Variants in MSRA observed in about 807,000 individuals in gnomAD.
MSRA encodes methionine sulfoxide reductase A, also known as mitochondrial peptide methionine sulfoxide reductase.
Under a neutral mutation model 31.3 loss-of-function variants are expected in MSRA, and 54 were observed. That is an observed-to-expected ratio of 1.73 (90% CI 1.39 to 2.17). The LOEUF (loss-of-function observed/expected upper bound fraction) is 2.17, where lower values mean the gene tolerates loss of function less well. MSRA is among the 30% of genes most tolerant of loss of function. The pLI is 0.00. For synonymous variants in MSRA, 169 were observed against 116.5 expected, an observed-to-expected ratio of 1.45 and a Z score of -2.90; for missense variants, 507 against 300.9, an observed-to-expected ratio of 1.69 and a Z score of -5.07.
chr8:10,352,161 G>A (rs966412504), intron 5 of MSRA, among the ~76,000 whole-genome samples: 1 of 152,188 alleles, frequency 6.6e-6, no homozygotes, highest in Non-Finnish European at 1.5e-5. Context: ...AGGGGAACAC[G>A]TCGTGAACAG....
intron 5 of MSRA, among the ~76,000 whole-genome samples, chr8:10,338,833 A>C (rs774141474): frequency 6.6e-6 from 1 of 152,096 alleles, no homozygotes. Context: ...TGAGCTAGCA[A>C]CCCTTGCCCT....
intron 5 of MSRA, among the ~76,000 whole-genome samples, chr8:10,326,157 T>A (rs1802351203): frequency 6.6e-6 from 1 of 152,178 alleles, no homozygotes; most frequent in Non-Finnish European, 1.5e-5. Flanking sequence ...AATTTAATAG[T>A]CTTCTTCACT....
chr8:10,183,808 G>GTGC (rs752435520), intron 1 of MSRA, among the ~76,000 whole-genome samples: 5,049 of 100,040 alleles, frequency 0.05, 146 homozygotes, highest in African/African-American at 0.1. Flanking sequence ...GGTGGTGGTG[G>GTGC]TGCTGCTGCT....
At chr8:10,086,178 A>G (rs1474587263) in intron 1 of MSRA, among the ~76,000 whole-genome samples, 1 of 152,238 alleles carries the variant, frequency 6.6e-6, no homozygotes, top group African/African-American at 2.4e-5. Flanking sequence ...TCATTTCTGT[A>G]CATACTTGCC....
chr8:10,114,654 G>A (rs1800550064), intron 1 of MSRA, among the ~76,000 whole-genome samples: 1 of 152,222 alleles, frequency 6.6e-6, no homozygotes, highest in African/African-American at 2.4e-5. Flanking sequence ...TTACGTAGCT[G>A]AGGATGGTGG....
At chr8:10,232,178 C>T (rs1224917408) in intron 2 of MSRA, among the ~76,000 whole-genome samples, 1 of 152,084 alleles carries the variant, frequency 6.6e-6, no homozygotes, top group Non-Finnish European at 1.5e-5. Context: ...GGGGAAAGAG[C>T]TGGAAGAGAG....
intron 5 of MSRA, among the ~76,000 whole-genome samples, chr8:10,418,150 A>G (rs117551412): frequency 1.3e-5 from 2 of 152,344 alleles, no homozygotes; most frequent in African/African-American, 2.4e-5. Context: ...ATACACATAT[A>G]CGTTTTACAA....
intron 1 of MSRA, among the ~76,000 whole-genome samples, chr8:10,099,844 G>C (rs1425400717): frequency 6.6e-6 from 1 of 152,166 alleles, no homozygotes; most frequent in East Asian, 1.9e-4. Flanking sequence ...CCAGCCCTCT[G>C]TTGTCTTGCA....
At chr8:10,123,108 A>G (rs1585199334) in intron 1 of MSRA, among the ~76,000 whole-genome samples, 1 of 152,220 alleles carries the variant, frequency 6.6e-6, no homozygotes, top group Non-Finnish European at 1.5e-5. Context: ...GAATTGCCAC[A>G]CTGCTTTCCG....
chr8:10,322,712 C>T (rs1802115359), intron 5 of MSRA, among the ~76,000 whole-genome samples: 1 of 152,044 alleles, frequency 6.6e-6, no homozygotes, highest in Admixed American at 6.6e-5. Flanking sequence ...AAACAGGAAC[C>T]CTTATTATTA....
chr8:10,066,169 G>A (rs1321851548), intron 1 of MSRA, among the ~76,000 whole-genome samples: 8 of 151,914 alleles, frequency 5.3e-5, no homozygotes, highest in East Asian at 3.9e-4. Context: ...GATTACAGGC[G>A]CCCAGCAGGG....
At chr8:10,110,369 C>A (rs184264815) in intron 1 of MSRA, among the ~76,000 whole-genome samples, 11 of 152,212 alleles carry the variant, frequency 7.2e-5, no homozygotes, top group African/African-American at 2.6e-4. Flanking sequence ...CTCCAGCCTC[C>A]CTCCCATTTT....
At chr8:10,155,585 A>T (rs1371899087) in intron 1 of MSRA, among the ~76,000 whole-genome samples, 1 of 152,222 alleles carries the variant, frequency 6.6e-6, no homozygotes, top group Non-Finnish European at 1.5e-5. Flanking sequence ...AGAAGAAACC[A>T]TGAGAGAAAT....
At chr8:10,058,812 AC>A (rs1802542268) in intron 1 of MSRA, among the ~76,000 whole-genome samples, 3 of 152,248 alleles carry the variant, frequency 2.0e-5, no homozygotes, top group African/African-American at 7.2e-5. Context: ...AATAAATTCT[AC>A]CTTTTTTGTA....
At chr8:10,238,191 T>G (rs1159911018) in intron 2 of MSRA, among the ~76,000 whole-genome samples, 1 of 152,132 alleles carries the variant, frequency 6.6e-6, no homozygotes, top group African/African-American at 2.4e-5. Context: ...TAGGACTGCT[T>G]TCTCTACCCC....
chr8:10,205,940 T>C (rs1808926138), intron 1 of MSRA, among the ~76,000 whole-genome samples: 1 of 152,238 alleles, frequency 6.6e-6, no homozygotes, highest in Admixed American at 6.5e-5. Flanking sequence ...TCATAAATGG[T>C]AATTTTCTAA....
intron 5 of MSRA, among the ~76,000 whole-genome samples, chr8:10,410,196 G>C (rs1484730707): frequency 6.6e-6 from 1 of 152,234 alleles, no homozygotes; most frequent in East Asian, 1.9e-4. Context: ...GTGACATGGA[G>C]TATGCATGTG....
chr8:10,288,241 C>G (rs898417126), intron 3 of MSRA, among the ~76,000 whole-genome samples: 3 of 152,156 alleles, frequency 2.0e-5, no homozygotes, highest in African/African-American at 7.2e-5. Context: ...TCCCCCAGTC[C>G]CCTTCCATTA....
chr8:10,073,994 C>G (rs185155255), intron 1 of MSRA, among the ~76,000 whole-genome samples: 12 of 125,934 alleles, frequency 9.5e-5, no homozygotes, highest in African/African-American at 3.7e-4. Context: ...GTGTTGCTTT[C>G]TATACGTGAC....
Sources: allele counts gnomAD v4.1 joint callset (sites outside exome capture counted in the v4.1 genomes callset), GRCh38; gene constraint gnomAD v4.1.1; transcripts MANE v1.5; gene names NCBI Gene and HGNC (gene_info 2026-07-23, HGNC 2026-07-21).